Variants in EIF4G3 observed in about 807,000 individuals in gnomAD.
The protein encoded by EIF4G3 is eIF-4-gamma 3.
A neutral mutation model predicts 186.4 loss-of-function variants in EIF4G3; 34 were observed. That is an observed-to-expected ratio of 0.18 (90% CI 0.14 to 0.24). The LOEUF (loss-of-function observed/expected upper bound fraction) is 0.24. Among genes scored for constraint, EIF4G3 ranks in the 10% least tolerant of loss-of-function variants. EIF4G3 has a pLI of 1.00. For synonymous variants in EIF4G3, 673 were observed against 679.5 expected (o/e 0.99, Z 0.15); for missense variants, 1,536 against 1,948.5 (o/e 0.79, Z 3.99).
At chr1:21,081,925 G>A (rs1423952812) in intron 3 of EIF4G3, among the ~76,000 whole-genome samples, 2 of 151,866 alleles carry the variant, frequency 1.3e-5, no homozygotes, top group South Asian at 4.2e-4. Flanking sequence ...TCACAGGAGT[G>A]AGCCAACCAC....
intron 2 of EIF4G3, among the ~76,000 whole-genome samples, chr1:21,126,834 C>A (rs1044051135): frequency 6.6e-6 from 1 of 151,874 alleles, no homozygotes; most frequent in Non-Finnish European, 1.5e-5. Flanking sequence ...ATGCTCAATT[C>A]CCTGATATAA....
intron 7 of EIF4G3, among the ~76,000 whole-genome samples, chr1:20,987,246 C>A (rs931375808): frequency 1.3e-5 from 2 of 152,160 alleles, no homozygotes; most frequent in African/African-American, 4.8e-5. Flanking sequence ...GACAAAAACA[C>A]CTCTAACAAA....
At chr1:21,152,405 C>T (rs1371225704) in intron 2 of EIF4G3, among the ~76,000 whole-genome samples, 1 of 142,374 alleles carries the variant, frequency 7.0e-6, no homozygotes, top group African/African-American at 2.5e-5. Flanking sequence ...AAAAGGCCAA[C>T]TACTTTTTGT....
chr1:20,914,160 T>C (rs906429654), intron 14 of EIF4G3, among the ~76,000 whole-genome samples: 5 of 152,016 alleles, frequency 3.3e-5, no homozygotes, highest in Admixed American at 2.6e-4. Context: ...TTTCCATCTA[T>C]GTACTGCTTT....
intron 30 of EIF4G3, among the ~76,000 whole-genome samples, chr1:20,837,530 A>G (rs2067124247): frequency 6.6e-6 from 1 of 152,120 alleles, no homozygotes; most frequent in South Asian, 2.1e-4. Context: ...ACCTTCCCAG[A>G]GTTATCATTG....
At chr1:21,022,625 C>T (rs1260341576) in intron 4 of EIF4G3, among the ~76,000 whole-genome samples, 1 of 152,220 alleles carries the variant, frequency 6.6e-6, no homozygotes, top group Non-Finnish European at 1.5e-5. Context: ...TCAATTTAGA[C>T]ATCACATAGT....
intron 2 of EIF4G3, among the ~76,000 whole-genome samples, chr1:21,131,644 G>A (rs1029420774): frequency 3.9e-5 from 6 of 152,186 alleles, no homozygotes; most frequent in Non-Finnish European, 5.9e-5. Flanking sequence ...AGCAGACCTT[G>A]TGAGAAGCAA....
chr1:21,020,979 AT>A (rs1216792008), intron 4 of EIF4G3, among the ~76,000 whole-genome samples: 2 of 138,008 alleles, frequency 1.4e-5, no homozygotes, highest in African/African-American at 2.7e-5. Flanking sequence ...TTTATTTCTT[AT>A]TTATGTATTT....
chr1:21,007,527 A>AAAAC (rs2085510017), intron 4 of EIF4G3, among the ~76,000 whole-genome samples: 1 of 134,058 alleles, frequency 7.5e-6, no homozygotes, highest in African/African-American at 3.2e-5. Context: ...AAAAAAAAAA[A>AAAAC]AAAAAAAAAA....
At chr1:21,089,524 G>A (rs2096110212) in intron 2 of EIF4G3, among the ~76,000 whole-genome samples, 1 of 152,020 alleles carries the variant, frequency 6.6e-6, no homozygotes, top group South Asian at 2.1e-4. Context: ...TAACTGGCTG[G>A]GCACAGTGGC....
At chr1:20,966,574 C>T (rs969184060) in intron 12 of EIF4G3, among the ~76,000 whole-genome samples, 6 of 151,520 alleles carry the variant, frequency 4.0e-5, no homozygotes, top group African/African-American at 1.2e-4. Context: ...CGGGTTCAAG[C>T]GATTCTCCTG....
intron 14 of EIF4G3, among the ~76,000 whole-genome samples, chr1:20,923,180 T>C (rs574050967): frequency 2.6e-5 from 4 of 152,320 alleles, no homozygotes; most frequent in South Asian, 4.1e-4. Context: ...TTGGTTAAAG[T>C]TGTCTTTTGC....
chr1:21,006,022 G>A (rs111431325), intron 4 of EIF4G3, among the ~76,000 whole-genome samples: 166 of 152,216 alleles, frequency 1.1e-3, no homozygotes, highest in African/African-American at 3.9e-3. Flanking sequence ...CTAGCAATAT[G>A]GAATGCTTAA....
At chr1:20,814,050 G>A (rs997633951) in intron 34 of EIF4G3, among the ~76,000 whole-genome samples, 3 of 143,446 alleles carry the variant, frequency 2.1e-5, no homozygotes, top group African/African-American at 7.8e-5. Flanking sequence ...AGGTTCAAGC[G>A]ATTCTCCTGC....
At chr1:21,002,646 A>G (rs989920713) in intron 5 of EIF4G3, 67 bp downstream of exon 5, 3 of 1,492,438 alleles carry the variant, frequency 2.0e-6, no homozygotes, top group Non-Finnish European at 2.7e-6. Context: ...TGCCAAAGAA[A>G]CCCAAGCCAC....
intron 10 of EIF4G3, among the ~76,000 whole-genome samples, chr1:20,978,636 G>A (rs1474245454): frequency 6.9e-6 from 1 of 144,772 alleles, no homozygotes; most frequent in African/African-American, 2.6e-5. Context: ...TGCTGTACAC[G>A]CTACATGCCA....
At chr1:20,930,981 C>G (rs1392115747) in intron 14 of EIF4G3, among the ~76,000 whole-genome samples, 1 of 151,718 alleles carries the variant, frequency 6.6e-6, no homozygotes, top group Non-Finnish European at 1.5e-5. Flanking sequence ...GCTGGGACTA[C>G]AGGCGTGCGC....
intron 3 of EIF4G3, among the ~76,000 whole-genome samples, chr1:21,070,514 C>T (rs2095411199): frequency 6.6e-6 from 1 of 152,124 alleles, no homozygotes; most frequent in African/African-American, 2.4e-5. Flanking sequence ...AATAAACATA[C>T]CTACTTCATT....
At chr1:20,864,785 G>A in intron 21 of EIF4G3, 73 bp from the exon 22 acceptor site, 1 of 1,252,516 alleles carries the variant, frequency 8.0e-7, no homozygotes, top group Non-Finnish European at 1.1e-6. Flanking sequence ...GAGATTCATG[G>A]GGTCAGAATC....
Sources: gnomAD v4.1 joint callset for allele counts (sites outside exome capture counted in the v4.1 genomes callset) on GRCh38, gnomAD v4.1.1 for gene constraint, MANE v1.5 for transcripts, NCBI Gene and HGNC (gene_info 2026-07-23, HGNC 2026-07-21) for gene names.